The following MYO10 variants were observed in gnomAD, a reference collection of about 807,000 sequenced individuals.
MYO10 encodes the protein myosin X.
A neutral mutation model predicts 257.3 loss-of-function variants in MYO10; 133 were observed. The observed-to-expected ratio is 0.52, with a 90% CI of 0.45 to 0.60. The LOEUF (loss-of-function observed/expected upper bound fraction) is 0.60. Ranked by LOEUF, MYO10 falls within the 20% of genes least tolerant of loss-of-function variation. The pLI is 0.00. For missense variants in MYO10, 2,399 were observed against 2,635.7 expected (o/e 0.91, Z 1.97); for synonymous variants, 1,104 against 1,028.6 (o/e 1.07, Z -1.40).
chr5:16,725,822 C>T (rs1739345588), intron 19 of MYO10, among the ~76,000 whole-genome samples: 1 of 148,724 alleles, frequency 6.7e-6, no homozygotes, highest in South Asian at 2.1e-4. Context: ...GAGTCTAGCT[C>T]TGTCACCCAT....
At chr5:16,784,691 T>C (rs1310336827) in intron 4 of MYO10, among the ~76,000 whole-genome samples, 1 of 152,240 alleles carries the variant, frequency 6.6e-6, no homozygotes, top group Non-Finnish European at 1.5e-5. Context: ...AATGGTGGGA[T>C]GGGCAGATGA....
chr5:16,680,254 A>C (rs948671522), intron 32 of MYO10, 150 bp from the exon 33 acceptor site: 3 of 959,564 alleles, frequency 3.1e-6, no homozygotes, highest in Non-Finnish European at 4.5e-6. Context: ...CCTGCCCTGC[A>C]CTAGGTATCT....
At chr5:16,792,126 CACACACAGAGAGAG>C (rs1253836713) in intron 4 of MYO10, among the ~76,000 whole-genome samples, 4 of 122,536 alleles carry the variant, frequency 3.3e-5, no homozygotes, top group Admixed American at 8.3e-5. Context: ...CACACACACA[CACACACAGAGAGAG>C]AGAGAGAGAG....
At chr5:16,898,413 C>CTTT (rs34185618) in intron 1 of MYO10, among the ~76,000 whole-genome samples, 107 of 136,972 alleles carry the variant, frequency 7.8e-4, no homozygotes, top group East Asian at 1.5e-3. Context: ...ATTTCTTTCT[C>CTTT]TTTTTTTTTT....
At chr5:16,912,147 T>A (rs949342927) in intron 1 of MYO10, among the ~76,000 whole-genome samples, 1 of 152,202 alleles carries the variant, frequency 6.6e-6, no homozygotes, top group Non-Finnish European at 1.5e-5. Flanking sequence ...CTTCTTCCAA[T>A]GTGGCCCAGG....
intron 1 of MYO10, among the ~76,000 whole-genome samples, chr5:16,913,075 CCTT>C (rs1458619720): frequency 1.2e-4 from 19 of 152,048 alleles, no homozygotes; most frequent in African/African-American, 3.9e-4. Context: ...TCAGTGCCTC[CCTT>C]CTTTTGTGAC....
At chr5:16,815,715 G>T (rs1034198766) in intron 3 of MYO10, among the ~76,000 whole-genome samples, 1 of 152,098 alleles carries the variant, frequency 6.6e-6, no homozygotes, top group African/African-American at 2.4e-5. Context: ...ACAGTGCAGC[G>T]GTCATGTGGA....
chr5:16,713,225 A>T, intron 19 of MYO10: 1 of 794,312 alleles, frequency 1.3e-6, no homozygotes, highest in Non-Finnish European at 1.5e-6. Flanking sequence ...CCCAGTCTCT[A>T]TAGAACAAAG....
chr5:16,930,441 T>C (rs1173001011), intron 1 of MYO10, among the ~76,000 whole-genome samples: 3 of 152,170 alleles, frequency 2.0e-5, no homozygotes. Context: ...GAACATGCTT[T>C]AGACAGAGTT....
At chr5:16,845,374 A>G (rs1460440468) in intron 2 of MYO10, among the ~76,000 whole-genome samples, 1 of 152,188 alleles carries the variant, frequency 6.6e-6, no homozygotes, top group African/African-American at 2.4e-5. Context: ...TGTTAAAAAA[A>G]TGTCTTTTAG....
At chr5:16,683,052 G>A (rs1160282044) in intron 30 of MYO10, among the ~76,000 whole-genome samples, 1 of 152,134 alleles carries the variant, frequency 6.6e-6, no homozygotes, top group Non-Finnish European at 1.5e-5. Flanking sequence ...CAGTTATAAG[G>A]GGTGCAAGCT....
intron 26 of MYO10, among the ~76,000 whole-genome samples, chr5:16,695,486 A>G (rs1426001936): frequency 6.6e-6 from 1 of 152,144 alleles, no homozygotes; most frequent in Non-Finnish European, 1.5e-5. Flanking sequence ...AAAGAAAAGC[A>G]TCATCTGAAA....
chr5:16,804,843 GA>G (rs1742225317), intron 3 of MYO10, among the ~76,000 whole-genome samples: 1 of 152,060 alleles, frequency 6.6e-6, no homozygotes, highest in East Asian at 1.9e-4. Context: ...TGAGCCTGGG[GA>G]GGTCAAGGCT....
In MYO10 at chr5:16,694,527, T is replaced by C. The variant is rs748127709; in HGVS notation, c.3644A>G (p.Lys1215Arg). The part of the protein sequence containing the change: ...LWFRSKQEAL[K>R]QGWLHKKGGG... ...CCCTTTTTTGTGGAGCCAGCCTTGC[T>C]TGAGGGCCTCCTGCTTGGAGCGGAA... is the stretch of plus-strand genomic sequence containing the variant. Residue 1215 changes from lysine to arginine, a missense_variant, in exon 27 of 41, where the codon AAG becomes AGG. Transcript: ENST00000513610. 10 of 1,614,002 alleles carry C rather than the reference T, an allele frequency of 6.2e-6. No homozygotes were observed. Among genetic ancestry groups the C allele is most frequent in the Non-Finnish European group, 8.5e-6 (10 of 1,179,872 alleles).
At chr5:16,690,988 G>A (rs983790516) in intron 27 of MYO10, among the ~76,000 whole-genome samples, 1 of 152,072 alleles carries the variant, frequency 6.6e-6, no homozygotes, top group Non-Finnish European at 1.5e-5. Flanking sequence ...GCAAATGTTC[G>A]GCCGGGCGTG....
chr5:16,886,876 G>A (rs188615843), intron 1 of MYO10, among the ~76,000 whole-genome samples: 37 of 149,032 alleles, frequency 2.5e-4, no homozygotes, highest in Admixed American at 2.4e-3. Context: ...AGGTTCCAGT[G>A]AGCCAAGATC....
intron 18 of MYO10, among the ~76,000 whole-genome samples, chr5:16,755,418 G>A (rs748097752): frequency 1.3e-5 from 2 of 152,218 alleles, no homozygotes; most frequent in African/African-American, 2.4e-5. Flanking sequence ...ACCGGCCTCA[G>A]CCTCCCAAAG....
At position 16,664,414 on chromosome 5, in the gene MYO10, A is replaced by T. The variant is rs1340681536; in HGVS notation, c.*2278T>A. 1 of 152,188 alleles carries T rather than the reference A, an allele frequency of 6.6e-6. No individual in the cohort carries two copies. The highest frequency in any genetic ancestry group is 1.5e-5 in the Non-Finnish European group (1 of 68,036). The allele number at this position is 152,188 out of a possible 1,614,324, so 9.4% of individuals were successfully genotyped here. On this transcript the variant is annotated 3_prime_UTR_variant, in exon 41 of 41. Transcript: ENST00000513610. ...CAAATTCTTTCTGAGCCTAAAATAA[A>T]AACAAAGACAACACACATCCAAGTC...
chr5:16,806,595 C>A (rs1742283559), intron 3 of MYO10, among the ~76,000 whole-genome samples: 1 of 151,286 alleles, frequency 6.6e-6, no homozygotes, highest in Non-Finnish European at 1.5e-5. Context: ...TTGCAGTGAG[C>A]CAAGATAGTG....
Sources: allele counts gnomAD v4.1 joint callset (sites outside exome capture counted in the v4.1 genomes callset), GRCh38; gene constraint gnomAD v4.1.1; transcripts MANE v1.5; gene names NCBI Gene and HGNC (gene_info 2026-07-23, HGNC 2026-07-21).